BABAM2: variants seen among roughly 807,000 people sequenced by gnomAD.
The protein encoded by BABAM2 is BRISC and BRCA1-A complex member 2.
BABAM2 carries 31 observed loss-of-function variants against 54.7 expected under a neutral mutation model. The ratio of observed to expected loss-of-function variants is 0.57; its 90% CI spans 0.43 to 0.77. The LOEUF (loss-of-function observed/expected upper bound fraction) is 0.77. Among genes scored for constraint, BABAM2 ranks in the 30% least tolerant of loss-of-function variants. The pLI is 0.00. For synonymous variants in BABAM2, 167 were observed against 162.9 expected (o/e 1.03, Z -0.19); for missense variants, 364 against 455.8 (o/e 0.80, Z 1.83).
chr2:28,147,156 T>C (rs1440755776), intron 7 of BABAM2, among the ~76,000 whole-genome samples: 6 of 152,184 alleles, frequency 3.9e-5, no homozygotes, highest in African/African-American at 7.2e-5. Context: ...GGCCACAGGA[T>C]TCTGAACTCG....
At chr2:28,149,821 G>A (rs1000293477) in intron 7 of BABAM2, among the ~76,000 whole-genome samples, 1 of 152,096 alleles carries the variant, frequency 6.6e-6, no homozygotes, top group Non-Finnish European at 1.5e-5. Flanking sequence ...TGTACCTCTC[G>A]CTTCAGCAAA....
intron 2 of BABAM2, among the ~76,000 whole-genome samples, chr2:27,907,898 G>C (rs6729886): frequency 6.6e-6 from 1 of 152,228 alleles, no homozygotes; most frequent in Admixed American, 6.5e-5. Flanking sequence ...TGTATATATC[G>C]CACTTTGTTT....
chr2:28,007,967 A>G (rs1164889902), intron 4 of BABAM2, among the ~76,000 whole-genome samples: 19 of 152,128 alleles, frequency 1.2e-4, no homozygotes, highest in Admixed American at 1.2e-3. Context: ...ATCCTTTAAT[A>G]TACCTAATTT....
At chr2:28,290,982 GA>G (rs1252000549) in intron 10 of BABAM2, among the ~76,000 whole-genome samples, 4 of 152,056 alleles carry the variant, frequency 2.6e-5, no homozygotes, top group African/African-American at 9.7e-5. Flanking sequence ...TTAGATGGAA[GA>G]AAAAAACCAC....
intron 10 of BABAM2, among the ~76,000 whole-genome samples, chr2:28,253,012 T>C (rs1415096936): frequency 2.6e-5 from 4 of 152,214 alleles, no homozygotes; most frequent in Non-Finnish European, 5.9e-5. Context: ...TTAGAATTAA[T>C]ATTAAAGTAC....
chr2:28,240,467 C>T (rs1244151847), intron 8 of BABAM2, among the ~76,000 whole-genome samples: 1 of 152,126 alleles, frequency 6.6e-6, no homozygotes, highest in Non-Finnish European at 1.5e-5. Context: ...TATGTGCATG[C>T]AGGCACACAC....
intron 6 of BABAM2, among the ~76,000 whole-genome samples, chr2:28,125,124 C>A (rs1375563249): frequency 6.6e-6 from 1 of 152,026 alleles, no homozygotes. Flanking sequence ...AGTTGCTCAG[C>A]CTCATTCATT....
chr2:28,178,177 G>T (rs545171373), intron 7 of BABAM2, among the ~76,000 whole-genome samples: 1 of 151,980 alleles, frequency 6.6e-6, no homozygotes, highest in Non-Finnish European at 1.5e-5. Context: ...TATTCTACCC[G>T]ACAGCTGCAG....
chr2:28,293,697 C>T (rs1687467954), intron 10 of BABAM2, among the ~76,000 whole-genome samples: 1 of 152,118 alleles, frequency 6.6e-6, no homozygotes, highest in Non-Finnish European at 1.5e-5. Context: ...TGACTTGTTT[C>T]AGCAAGTTCT....
intron 9 of BABAM2, among the ~76,000 whole-genome samples, chr2:28,243,162 T>C (rs942415622): frequency 6.6e-6 from 1 of 152,222 alleles, no homozygotes; most frequent in Non-Finnish European, 1.5e-5. Context: ...AAAAGGACTA[T>C]ATACTTGTCT....
chr2:28,200,491 T>C (rs1030326586), intron 7 of BABAM2, among the ~76,000 whole-genome samples: 16 of 152,246 alleles, frequency 1.1e-4, no homozygotes, highest in Admixed American at 7.2e-4. Context: ...TTTGTAATCA[T>C]ACTGTGCACA....
At chr2:28,261,221 C>T (rs926073266) in intron 10 of BABAM2, among the ~76,000 whole-genome samples, 24 of 152,200 alleles carry the variant, frequency 1.6e-4, no homozygotes, top group Admixed American at 1.4e-3. Flanking sequence ...GGATTACGGG[C>T]ATGAGCCACT....
intron 9 of BABAM2, among the ~76,000 whole-genome samples, 200 bp downstream of exon 9, chr2:28,241,593 C>A (rs1682438182): frequency 6.6e-6 from 1 of 152,062 alleles, no homozygotes; most frequent in Admixed American, 6.5e-5. Context: ...TTCCCGAGTT[C>A]AAGCGATTCT....
chr2:28,265,489 G>T (rs1361364281), intron 10 of BABAM2, among the ~76,000 whole-genome samples: 1 of 152,120 alleles, frequency 6.6e-6, no homozygotes, highest in African/African-American at 2.4e-5. Flanking sequence ...AATGGCCTAA[G>T]GGTCAGAAAA....
intron 10 of BABAM2, among the ~76,000 whole-genome samples, chr2:28,287,498 C>T (rs1686924077): frequency 1.3e-5 from 2 of 152,224 alleles, no homozygotes; most frequent in Non-Finnish European, 1.5e-5. Flanking sequence ...ACTAAATATG[C>T]ATCCACTACC....
chr2:28,054,429 G>A (rs146624226), intron 6 of BABAM2, among the ~76,000 whole-genome samples: 16 of 152,042 alleles, frequency 1.1e-4, no homozygotes, highest in South Asian at 6.2e-4. Flanking sequence ...TTAAAATGAC[G>A]TTAGCTATTA....
In BABAM2 at chr2:27,960,819, G is replaced by A. The variant is rs147685583; in HGVS notation, c.206-27174G>A. Among the ~76,000 whole-genome samples the A allele has an allele frequency of 9.2e-5, 14 of 152,192 alleles. No individual in the cohort carries two copies. In the East Asian group the frequency reaches 2.7e-3, roughly 29 times the overall value. ...GCCCAATGCTTTTTCCACTTCACAT[G>A]TTAGGAAATAAATATCATCTTTATT... On this transcript the variant is annotated intron_variant, in intron 3 of 11. Transcript: ENST00000379624.
intron 7 of BABAM2, among the ~76,000 whole-genome samples, chr2:28,199,907 G>A (rs771846828): frequency 3.9e-5 from 6 of 152,070 alleles, no homozygotes; most frequent in African/African-American, 7.2e-5. Flanking sequence ...GGAGCTGGAC[G>A]GTTCCTAACA....
intron 10 of BABAM2, among the ~76,000 whole-genome samples, chr2:28,262,595 C>G (rs1684627485): frequency 6.6e-6 from 1 of 152,028 alleles, no homozygotes; most frequent in Admixed American, 6.6e-5. Flanking sequence ...TTTTAGGCAT[C>G]TAGGTAGCTG....
Sources: allele counts gnomAD v4.1 joint callset (sites outside exome capture counted in the v4.1 genomes callset), GRCh38; gene constraint gnomAD v4.1.1; transcripts MANE v1.5; gene names NCBI Gene and HGNC (gene_info 2026-07-23, HGNC 2026-07-21).